Variants in AKAP6 observed in about 807,000 individuals in gnomAD.
AKAP6 encodes the protein A-kinase anchor protein 6.
AKAP6 carries 58 observed loss-of-function variants against 188.5 expected under a neutral mutation model. The ratio of observed to expected loss-of-function variants is 0.31; its 90% CI spans 0.25 to 0.38. The LOEUF is 0.38. Among genes scored for constraint, AKAP6 ranks in the 10% least tolerant of loss-of-function variants. The pLI is 1.00. For missense variants in AKAP6, 2,710 were observed against 2,740.0 expected (o/e 0.99, Z 0.24); for synonymous variants, 989 against 998.6 (o/e 0.99, Z 0.18).
intron 1 of AKAP6, among the ~76,000 whole-genome samples, chr14:32,395,706 T>C (rs1451848435): frequency 6.6e-6 from 1 of 152,290 alleles, no homozygotes; most frequent in African/African-American, 2.4e-5. Flanking sequence ...CACTTATTTT[T>C]CCCCCTATTT....
intron 7 of AKAP6, among the ~76,000 whole-genome samples, chr14:32,645,357 A>G (rs1388360392): frequency 2.6e-5 from 4 of 152,184 alleles, no homozygotes; most frequent in East Asian, 3.9e-4. Flanking sequence ...TTATTTTCCC[A>G]TCATTGCTGA....
At chr14:32,570,326 C>T (rs28517784) in intron 4 of AKAP6, among the ~76,000 whole-genome samples, 114,377 of 149,942 alleles carry the variant, frequency 0.76, 43,744 homozygotes, top group East Asian at 0.9. Flanking sequence ...TTTTTTTTAG[C>T]AGAGACAAGG....
chr14:32,771,154 C>T (rs974938396), intron 11 of AKAP6, among the ~76,000 whole-genome samples: 2 of 151,826 alleles, frequency 1.3e-5, no homozygotes, highest in African/African-American at 4.8e-5. Flanking sequence ...CATGGAAGCC[C>T]ATTTATGTAG....
intron 12 of AKAP6, among the ~76,000 whole-genome samples, chr14:32,776,723 G>A (rs1409772811): frequency 6.6e-6 from 1 of 152,058 alleles, no homozygotes; most frequent in Non-Finnish European, 1.5e-5. Context: ...GTAGCTGAGT[G>A]TTATGTTTCT....
At chr14:32,364,943 T>C (rs957500367) in intron 1 of AKAP6, among the ~76,000 whole-genome samples, 5 of 152,178 alleles carry the variant, frequency 3.3e-5, no homozygotes, top group Admixed American at 1.3e-4. Flanking sequence ...TAGTTAATAA[T>C]AGAATCAGGG....
intron 9 of AKAP6, among the ~76,000 whole-genome samples, chr14:32,710,197 CAA>C (rs10535937): frequency 0.55 from 79,897 of 146,112 alleles, 22,965 homozygotes; most frequent in Non-Finnish European, 0.67. Flanking sequence ...AAAATGGACC[CAA>C]AAAAAAAAAA....
chr14:32,803,639 C>T (rs528216186), intron 12 of AKAP6, among the ~76,000 whole-genome samples: 3 of 152,162 alleles, frequency 2.0e-5, no homozygotes, highest in East Asian at 1.9e-4. Flanking sequence ...TTTCCATTTT[C>T]TCTGTTTATC....
At chr14:32,336,565 G>A (rs1265692520) in intron 1 of AKAP6, among the ~76,000 whole-genome samples, 1 of 152,158 alleles carries the variant, frequency 6.6e-6, no homozygotes, top group Middle Eastern at 3.2e-3. Flanking sequence ...TTAACATGGT[G>A]TTGGCTGGGC....
intron 1 of AKAP6, among the ~76,000 whole-genome samples, chr14:32,338,298 G>C (rs10483399): frequency 0.079 from 12,073 of 152,032 alleles, 790 homozygotes; most frequent in African/African-American, 0.18. Context: ...ACCCAAACAA[G>C]AAGTAGTAAA....
At chr14:32,369,715 A>T (rs1224013502) in intron 1 of AKAP6, among the ~76,000 whole-genome samples, 1 of 152,234 alleles carries the variant, frequency 6.6e-6, no homozygotes, top group Non-Finnish European at 1.5e-5. Flanking sequence ...AATATAAATA[A>T]TAGTTCTTTT....
chr14:32,828,935 G>A (rs1202291475), intron 13 of AKAP6, among the ~76,000 whole-genome samples: 4 of 152,122 alleles, frequency 2.6e-5, no homozygotes, highest in Non-Finnish European at 2.9e-5. Context: ...AAAGATTGTA[G>A]AAAAACAGAG....
intron 1 of AKAP6, among the ~76,000 whole-genome samples, chr14:32,381,602 A>G (rs1347907230): frequency 1.3e-5 from 2 of 152,224 alleles, no homozygotes; most frequent in Non-Finnish European, 2.9e-5. Context: ...ATCTGGAGGT[A>G]GAGCAGTGGG....
chr14:32,536,184 G>A (rs992885783), intron 3 of AKAP6, among the ~76,000 whole-genome samples: 17 of 152,154 alleles, frequency 1.1e-4, no homozygotes, highest in African/African-American at 3.9e-4. Flanking sequence ...GAGGAAAATG[G>A]AGCCAAGTGA....
chr14:32,497,438 TA>T (rs1187511396), intron 2 of AKAP6, among the ~76,000 whole-genome samples: 1 of 152,182 alleles, frequency 6.6e-6, no homozygotes, highest in Non-Finnish European at 1.5e-5. Context: ...AGTCTTTCTA[TA>T]ATTCAGTTGT....
chr14:32,807,446 T>C (rs1318212686), intron 12 of AKAP6, among the ~76,000 whole-genome samples: 1 of 152,176 alleles, frequency 6.6e-6, no homozygotes, highest in Non-Finnish European at 1.5e-5. Flanking sequence ...TTAGGTTCTG[T>C]TTTTGTTCTC....
At chr14:32,363,795 A>T (rs1243047947) in intron 1 of AKAP6, among the ~76,000 whole-genome samples, 3 of 152,208 alleles carry the variant, frequency 2.0e-5, no homozygotes, top group Non-Finnish European at 4.4e-5. Flanking sequence ...ACACCAAGGA[A>T]AATACTTTGC....
rs1491351629 is a variant in AKAP6 at position 32,404,712 on chromosome 14, T to TATATATATATA, written c.-34-28747_-34-28746insTATATATATAA. Among the ~76,000 whole-genome samples the TATATATATATA allele has an allele frequency of 2.4e-3, 25 of 10,534 alleles. 2 individuals carry two copies. The highest frequency in any genetic ancestry group is 6.0e-3 in the Non-Finnish European group (23 of 3,860). 6.9% of individuals were successfully genotyped at this position (10,534 alleles called of 152,430 possible). On this transcript the variant is annotated intron_variant, in intron 1 of 13. Transcript: ENST00000280979. ...AGGAGATATATATATATATATATAT[T>TATATATATATA]AGTCAGAATGTCAGCAGGAAATAGT... is the stretch of plus-strand genomic sequence containing the variant.
intron 4 of AKAP6, among the ~76,000 whole-genome samples, chr14:32,551,297 C>T (rs929172512): frequency 2.0e-5 from 3 of 152,198 alleles, no homozygotes; most frequent in Admixed American, 6.5e-5. Flanking sequence ...CCCAGCTGGG[C>T]GCCGTGGCTC....
chr14:32,397,871 T>G (rs1041176594), intron 1 of AKAP6, among the ~76,000 whole-genome samples: 3 of 152,340 alleles, frequency 2.0e-5, no homozygotes, highest in Middle Eastern at 3.4e-3. Context: ...AATGCAACAC[T>G]GAGGTCTCCT....
Sources: allele counts gnomAD v4.1 joint callset (sites outside exome capture counted in the v4.1 genomes callset), GRCh38; gene constraint gnomAD v4.1.1; transcripts MANE v1.5; gene names NCBI Gene and HGNC (gene_info 2026-07-23, HGNC 2026-07-21).